AKAP13: variants seen among roughly 807,000 people sequenced by gnomAD.
The protein encoded by AKAP13 is A-kinase anchor protein 13.
Under a neutral mutation model 264.5 loss-of-function variants are expected in AKAP13, and 80 were observed. That is an observed-to-expected ratio of 0.30 (90% CI 0.25 to 0.36). The LOEUF is 0.36. AKAP13 is among the 10% of genes least tolerant of loss of function. AKAP13 has a pLI of 1.00. For missense variants in AKAP13, 3,712 were observed against 3,435.2 expected (o/e 1.08, Z -2.01); for synonymous variants, 1,380 against 1,250.2 (o/e 1.10, Z -2.19).
At chr15:85,737,942 A>G (rs2088662106) in intron 33 of AKAP13, among the ~76,000 whole-genome samples, 1 of 151,868 alleles carries the variant, frequency 6.6e-6, no homozygotes, top group Non-Finnish European at 1.5e-5. Flanking sequence ...CCTGGCCTTG[A>G]TTTTTCTTTA....
At chr15:85,645,730 G>T (rs1331359658) in intron 9 of AKAP13, 88 bp from the exon 10 acceptor site, 2 of 1,352,744 alleles carry the variant, frequency 1.5e-6, no homozygotes, top group African/African-American at 3.0e-5. Flanking sequence ...AAGACTGGTT[G>T]CTGGGGTGAA....
intron 2 of AKAP13, among the ~76,000 whole-genome samples, chr15:85,490,459 T>A (rs1412674268): frequency 1.3e-5 from 2 of 152,204 alleles, no homozygotes; most frequent in Non-Finnish European, 2.9e-5. Flanking sequence ...ATCGTTTGAG[T>A]CTTCTCTAAG....
intron 1 of AKAP13, chr15:85,415,497 G>C: frequency 6.4e-7 from 1 of 1,550,486 alleles, no homozygotes; most frequent in Non-Finnish European, 8.8e-7. Flanking sequence ...CAACTTTACA[G>C]ATGGTGCATT....
intron 1 of AKAP13, among the ~76,000 whole-genome samples, chr15:85,453,048 C>G (rs528783570): frequency 1.2e-4 from 19 of 152,258 alleles, no homozygotes; most frequent in African/African-American, 3.9e-4. Flanking sequence ...GGTTCCCTGT[C>G]TGGTGATGAG....
chr15:85,412,873 C>T (rs1020708063), intron 1 of AKAP13, among the ~76,000 whole-genome samples: 7 of 152,182 alleles, frequency 4.6e-5, no homozygotes, highest in Admixed American at 2.0e-4. Flanking sequence ...CACTGAACAC[C>T]GTACCTATAT....
chr15:85,674,344 C>T (rs2084097876), intron 14 of AKAP13, among the ~76,000 whole-genome samples: 1 of 152,122 alleles, frequency 6.6e-6, no homozygotes, highest in Non-Finnish European at 1.5e-5. Context: ...TACCTTAGAG[C>T]TATGTGTATA....
intron 2 of AKAP13, among the ~76,000 whole-genome samples, chr15:85,498,382 G>A (rs1443810444): frequency 6.6e-6 from 1 of 152,056 alleles, no homozygotes; most frequent in East Asian, 1.9e-4. Flanking sequence ...TCTTTCCCTT[G>A]TTAGCTTAGG....
In AKAP13 at chr15:85,613,211, C is replaced by A. The variant is rs966940855; in HGVS notation, c.4162-26163C>A. On this transcript the variant is annotated intron_variant, in intron 8 of 36. Coordinates refer to ENST00000394518, the MANE Select transcript of AKAP13 (RefSeq NM_007200.5). ...ACAGTACACTGCATGAGTAGTGTCTCATTTCCCTTTTGGATAGCATTATTT... is the reference window on the plus strand; with the variant it reads ...ACAGTACACTGCATGAGTAGTGTCTAATTTCCCTTTTGGATAGCATTATTT... Among the ~76,000 whole-genome samples the A allele has an allele frequency of 2.0e-5, 3 of 152,290 alleles. No homozygotes were observed. The South Asian group carries it at 6.2e-4, about 32-fold the overall frequency.
At chr15:85,526,948 G>T (rs1211774784) in intron 3 of AKAP13, among the ~76,000 whole-genome samples, 3 of 132,826 alleles carry the variant, frequency 2.3e-5, no homozygotes, top group African/African-American at 8.8e-5. Flanking sequence ...ACTGTCCTTA[G>T]TTGTAATTTT....
At chr15:85,612,097 A>G (rs908759503) in intron 8 of AKAP13, among the ~76,000 whole-genome samples, 8 of 152,234 alleles carry the variant, frequency 5.3e-5, no homozygotes, top group Non-Finnish European at 7.3e-5. Context: ...GATTTAGGGC[A>G]GTGACATGGA....
intron 1 of AKAP13, among the ~76,000 whole-genome samples, chr15:85,437,620 C>A (rs922053214): frequency 1.3e-5 from 2 of 152,152 alleles, no homozygotes; most frequent in African/African-American, 4.8e-5. Context: ...AGCTTATCCG[C>A]CATGATCAAG....
chr15:85,584,570 G>C lies in AKAP13; in HGVS notation c.4040-1132G>C, dbSNP rs529644971. On this transcript the variant is annotated intron_variant, in intron 7 of 36. Transcript: ENST00000394518. Reference sequence around the variant, plus strand: ...TTTTATGAAATTTAACACAGATTTTGGTTCTTTGGGCAAGGAAACTTGTTT... The same window carrying C: ...TTTTATGAAATTTAACACAGATTTTCGTTCTTTGGGCAAGGAAACTTGTTT... Among the ~76,000 whole-genome samples, 3 of 152,182 alleles carry C rather than the reference G, an allele frequency of 2.0e-5. No individual in the cohort carries two copies. The South Asian group carries it at 6.2e-4, about 32-fold the overall frequency.
At chr15:85,535,399 A>G (rs367718854) in intron 4 of AKAP13, 1 of 152,212 alleles carries the variant, frequency 6.6e-6, no homozygotes, top group South Asian at 2.1e-4. Flanking sequence ...CCTGAAAGGA[A>G]GTATCAAATC....
chr15:85,574,206 A>G (rs999807563), intron 5 of AKAP13, among the ~76,000 whole-genome samples: 1 of 152,234 alleles, frequency 6.6e-6, no homozygotes, highest in Non-Finnish European at 1.5e-5. Context: ...TGCGTGCTCA[A>G]GTACAATAGT....
chr15:85,605,027 A>G (rs1466411874), intron 8 of AKAP13, among the ~76,000 whole-genome samples: 4 of 152,174 alleles, frequency 2.6e-5, no homozygotes, highest in East Asian at 1.9e-4. Context: ...GTGCTGCACT[A>G]AGAGCTCATG....
At position 85,415,778 on chromosome 15, in the gene AKAP13, A is replaced by G. The variant is rs1004243181; in HGVS notation, c.-12+34980A>G. ...TATCCCAAACATTTTACATACAGCT[A>G]TTTCAAAGTGTGTTGGATTAATTAG... On this transcript the variant is annotated intron_variant, in intron 1 of 36. Transcript: ENST00000394518. The G allele has an allele frequency of 1.7e-5, 10 of 587,270 alleles. No homozygotes were observed. The African/African-American group carries it at 1.7e-4, about 10-fold the overall frequency. The allele number at this position is 587,270 out of a possible 1,614,324, so 36.4% of individuals were successfully genotyped here.
rs188341000 is a variant in AKAP13, at chr15:85,619,889, T to A, written c.4162-19485T>A. ...AAGTTATCAGCAAGTTCTCAGTCAG[T>A]TCAAGGCATTGGATTCTGCTTGATT... On this transcript the variant is annotated intron_variant, in intron 8 of 36. Coordinates refer to ENST00000394518, the MANE Select transcript of AKAP13 (RefSeq NM_007200.5). 313 of 1,425,394 alleles carry A rather than the reference T, an allele frequency of 2.2e-4. 3 individuals are homozygous for A. Among genetic ancestry groups the A allele is most frequent in the Non-Finnish European group, 2.2e-5 (24 of 1,094,070 alleles). The allele number at this position is 1,425,394 out of a possible 1,614,324, so 88.3% of individuals were successfully genotyped here.
At chr15:85,512,109 T>C (rs2076445585) in intron 2 of AKAP13, among the ~76,000 whole-genome samples, 1 of 152,180 alleles carries the variant, frequency 6.6e-6, no homozygotes, top group Admixed American at 6.5e-5. Flanking sequence ...GCCATTAATA[T>C]TCGGCATAAG....
intron 1 of AKAP13, among the ~76,000 whole-genome samples, chr15:85,399,166 C>T (rs1168739429): frequency 6.6e-6 from 1 of 152,166 alleles, no homozygotes; most frequent in African/African-American, 2.4e-5. Context: ...TTCCTATTTA[C>T]TATTTCCCCA....
Sources: gnomAD v4.1 joint callset for allele counts (sites outside exome capture counted in the v4.1 genomes callset) on GRCh38, gnomAD v4.1.1 for gene constraint, MANE v1.5 for transcripts, NCBI Gene and HGNC (gene_info 2026-07-23, HGNC 2026-07-21) for gene names.